Variants in SLC24A3 observed in about 807,000 individuals in gnomAD.
The protein encoded by SLC24A3 is sodium/potassium/calcium exchanger 3.
SLC24A3 carries 28 observed loss-of-function variants against 75.8 expected under a neutral mutation model. The observed-to-expected ratio is 0.37, with a 90% confidence interval of 0.27 to 0.51. SLC24A3 has a LOEUF of 0.51. Among genes scored for constraint, SLC24A3 ranks in the 20% least tolerant of loss-of-function variants. The pLI, the probability that SLC24A3 is intolerant of heterozygous loss-of-function variation, is 0.94. For synonymous variants in SLC24A3, 372 were observed against 334.1 expected, an observed-to-expected ratio of 1.11 and a Z score of -1.24; for missense variants, 663 against 847.8, an observed-to-expected ratio of 0.78 and a Z score of 2.71.
intron 2 of SLC24A3, among the ~76,000 whole-genome samples, chr20:19,429,492 T>A (rs1385843542): frequency 6.6e-6 from 1 of 152,236 alleles, no homozygotes; most frequent in Non-Finnish European, 1.5e-5. Context: ...TCTCTAATAC[T>A]TTGTATCTAC....
chr20:19,316,631 C>A (rs1323781979), intron 2 of SLC24A3, among the ~76,000 whole-genome samples: 2 of 152,180 alleles, frequency 1.3e-5, no homozygotes, highest in South Asian at 4.1e-4. Context: ...GCCGACTCCC[C>A]CTGGGCAGGA....
chr20:19,213,792 T>C (rs1011760851), intron 1 of SLC24A3, among the ~76,000 whole-genome samples: 1 of 152,196 alleles, frequency 6.6e-6, no homozygotes, highest in Non-Finnish European at 1.5e-5. Flanking sequence ...AGTTGTCTGC[T>C]GAAACAGCTT....
intron 2 of SLC24A3, among the ~76,000 whole-genome samples, chr20:19,373,075 C>A (rs942243038): frequency 7.4e-5 from 11 of 149,264 alleles, no homozygotes; most frequent in African/African-American, 2.2e-4. Flanking sequence ...TTTTTTTTGG[C>A]CCATTTTTAT....
At chr20:19,339,100 C>T (rs1985205109) in intron 2 of SLC24A3, among the ~76,000 whole-genome samples, 1 of 89,030 alleles carries the variant, frequency 1.1e-5, no homozygotes, top group African/African-American at 4.3e-5. Context: ...GAGAAGCATT[C>T]TTGGACACAT....
chr20:19,276,953 G>A (rs73278915), intron 1 of SLC24A3, among the ~76,000 whole-genome samples: 2,302 of 152,128 alleles, frequency 0.015, 71 homozygotes, highest in African/African-American at 0.053. Flanking sequence ...TGACAGAAAT[G>A]TCATTTTGCA....
intron 3 of SLC24A3, among the ~76,000 whole-genome samples, chr20:19,548,364 A>G (rs1182969958): frequency 6.6e-6 from 1 of 152,206 alleles, no homozygotes; most frequent in South Asian, 2.1e-4. Flanking sequence ...AATTTTCACT[A>G]TAGCAGTTTT....
intron 2 of SLC24A3, among the ~76,000 whole-genome samples, chr20:19,445,981 C>A (rs189125585): frequency 6.6e-6 from 1 of 152,354 alleles, no homozygotes; most frequent in African/African-American, 2.4e-5. Flanking sequence ...ATTCTATCCT[C>A]ACAGTAACCC....
intron 6 of SLC24A3, among the ~76,000 whole-genome samples, chr20:19,599,785 G>A (rs1032492767): frequency 1.3e-5 from 2 of 152,134 alleles, no homozygotes; most frequent in Non-Finnish European, 2.9e-5. Flanking sequence ...ATGAAGCGTG[G>A]GAAGACGCAC....
intron 6 of SLC24A3, among the ~76,000 whole-genome samples, chr20:19,638,538 G>C (rs1289007687): frequency 6.6e-6 from 1 of 152,164 alleles, no homozygotes; most frequent in African/African-American, 2.4e-5. Context: ...GAGAGGAGAA[G>C]CAATGAGAGT....
chr20:19,654,251 A>G (rs1208222721), intron 7 of SLC24A3, 115 bp downstream of exon 7: 10 of 877,870 alleles, frequency 1.1e-5, no homozygotes, highest in South Asian at 6.0e-5. Context: ...TGCGAGATGC[A>G]TGTCTTTGCT....
chr20:19,687,195 C>T lies in SLC24A3; in HGVS notation c.1324+1834C>T, dbSNP rs144768008. Among the ~76,000 whole-genome samples the T allele has an allele frequency of 4.6e-3, 701 of 152,256 alleles. 7 individuals carry two copies. Among genetic ancestry groups the T allele is most frequent in the African/African-American group, 0.015 (620 of 41,544 alleles). ...TCTGGGAGAAATCATTACCAGGCAC[C>T]GGTTCATTGCGGCTGTGCAGGTCCT... On this transcript the variant is annotated intron_variant, in intron 12 of 16. Coordinates refer to ENST00000328041, the MANE Select transcript of SLC24A3 (RefSeq NM_020689.4).
chr20:19,233,638 T>C (rs1299654432), intron 1 of SLC24A3, among the ~76,000 whole-genome samples: 1 of 152,248 alleles, frequency 6.6e-6, no homozygotes, highest in African/African-American at 2.4e-5. Context: ...ATATTTTATG[T>C]TGATATTGTG....
intron 2 of SLC24A3, among the ~76,000 whole-genome samples, chr20:19,349,893 A>G (rs1985526452): frequency 6.6e-6 from 1 of 152,150 alleles, no homozygotes; most frequent in African/African-American, 2.4e-5. Flanking sequence ...TGTTTTGCCT[A>G]CACAGGTTAC....
intron 8 of SLC24A3, among the ~76,000 whole-genome samples, chr20:19,671,661 T>A (rs1318076490): frequency 6.6e-6 from 1 of 152,030 alleles, no homozygotes; most frequent in Non-Finnish European, 1.5e-5. Flanking sequence ...TTTTGTTTTT[T>A]TGTTTTTTTG....
chr20:19,623,495 G>C (rs1308775616), intron 6 of SLC24A3, among the ~76,000 whole-genome samples: 1 of 152,100 alleles, frequency 6.6e-6, no homozygotes, highest in Non-Finnish European at 1.5e-5. Context: ...GAATGTATTG[G>C]GGTTGGCCAG....
intron 2 of SLC24A3, among the ~76,000 whole-genome samples, chr20:19,412,444 G>A (rs1986759517): frequency 6.6e-6 from 1 of 152,082 alleles, no homozygotes; most frequent in Admixed American, 6.6e-5. Flanking sequence ...AAGAGACAGG[G>A]AGGAAGAAGA....
At chr20:19,572,108 G>A (rs1413948085) in intron 3 of SLC24A3, among the ~76,000 whole-genome samples, 2 of 152,180 alleles carry the variant, frequency 1.3e-5, no homozygotes, top group African/African-American at 2.4e-5. Context: ...AGGCTGAGAG[G>A]GGAGGATCGC....
chr20:19,494,987 G>A (rs1281510281), intron 2 of SLC24A3, among the ~76,000 whole-genome samples: 1 of 152,196 alleles, frequency 6.6e-6, no homozygotes, highest in Non-Finnish European at 1.5e-5. Flanking sequence ...GGCAACAAAG[G>A]AGTGGTGTTG....
intron 6 of SLC24A3, among the ~76,000 whole-genome samples, chr20:19,641,095 T>C (rs1447569188): frequency 6.6e-6 from 1 of 152,224 alleles, no homozygotes. Context: ...TATCTGACTT[T>C]TAGTGCCACA....
Sources: gnomAD v4.1 joint callset for allele counts (sites outside exome capture counted in the v4.1 genomes callset) on GRCh38, gnomAD v4.1.1 for gene constraint, MANE v1.5 for transcripts, NCBI Gene and HGNC (gene_info 2026-07-23, HGNC 2026-07-21) for gene names.